Variants in P2RX5 observed in about 807,000 individuals in gnomAD.
P2RX5 encodes the protein P2X purinoceptor 5.
In P2RX5, 46 loss-of-function variants were observed where a neutral mutation model predicts 54.1. The observed-to-expected ratio is 0.85, with a 90% CI of 0.67 to 1.09. P2RX5 has a LOEUF of 1.09. Among genes scored for constraint, P2RX5 ranks in the 50% least tolerant of loss-of-function variants. The pLI, the probability that P2RX5 is intolerant of heterozygous loss-of-function variation, is 0.00. For synonymous variants in P2RX5, 226 were observed against 226.4 expected (o/e 1.00, Z 0.02); for missense variants, 566 against 549.8 (o/e 1.03, Z -0.29).
the P2RX5 span, among the ~76,000 whole-genome samples, chr17:3,722,830 CA>C: frequency 1.3e-5 from 2 of 152,154 alleles, no homozygotes; most frequent in South Asian, 4.1e-4. Context: ...GGGAATGGCA[CA>C]ATCTAATGTC....
upstream of P2RX5, among the ~76,000 whole-genome samples, chr17:3,698,646 G>T (rs2050795923): frequency 6.6e-6 from 1 of 152,256 alleles, no homozygotes; most frequent in Admixed American, 6.5e-5. Context: ...TGCCACTGTG[G>T]CTTTAGAGAA....
chr17:3,689,776 C>T (rs897413843), intron 6 of P2RX5, 146 bp from the exon 7 acceptor site: 157 of 1,027,404 alleles, frequency 1.5e-4, no homozygotes, highest in Non-Finnish European at 2.2e-4. Context: ...AGGGGCGCCC[C>T]AGCACCACCC....
chr17:3,699,795 A>G (rs2050802173), upstream of P2RX5, among the ~76,000 whole-genome samples: 1 of 148,508 alleles, frequency 6.7e-6, no homozygotes, highest in Non-Finnish European at 1.5e-5. Flanking sequence ...ACAGAGTGAT[A>G]CTCCATCTAA....
In P2RX5 at chr17:3,691,716, G is replaced by T. The variant is rs571897312; in HGVS notation, c.216C>A (p.Gly72=). 6.2e-7 allele frequency: 1 copy of T among 1,614,218 alleles called. No individual in the cohort carries two copies. Among genetic ancestry groups the T allele is most frequent in the Non-Finnish European group, 8.5e-7 (1 of 1,180,038 alleles). ...GATCCGAGGTGTTGGTGAAGGCCAC[G>T]CCCTTGACTTTGGTGATGACAGCAC... ...LQSAVITKVK[G]VAFTNTSDLG... Residue 72 remains glycine (G), a synonymous_variant, in exon 2 of 12, where the codon GGC becomes GGA. Transcript: ENST00000225328.
At chr17:3,681,225 G>A (rs1239324164) in intron 10 of P2RX5, among the ~76,000 whole-genome samples, 1 of 152,286 alleles carries the variant, frequency 6.6e-6, no homozygotes, top group Non-Finnish European at 1.5e-5. Flanking sequence ...GAATGACCCA[G>A]GCAGACCCTG....
chr17:3,679,964 CTCTCTCCACCCTGA>C (rs2050196179), intron 10 of P2RX5, among the ~76,000 whole-genome samples, 180 bp from the exon 11 acceptor site: 5 of 147,916 alleles, frequency 3.4e-5, no homozygotes, highest in African/African-American at 7.7e-5. Context: ...CTCCACCCTG[CTCTCTCCACCCTGA>C]GTCCTCCACC....
chr17:3,680,182 A>G (rs1217087764), intron 10 of P2RX5, among the ~76,000 whole-genome samples: 1 of 118,338 alleles, frequency 8.5e-6, no homozygotes, highest in Non-Finnish European at 1.8e-5. Flanking sequence ...TGCATCCTCC[A>G]CCCTGCGTCC....
intron 9 of P2RX5, among the ~76,000 whole-genome samples, chr17:3,684,959 C>T (rs754297794): frequency 8.6e-5 from 13 of 151,176 alleles, no homozygotes; most frequent in African/African-American, 1.2e-4. Context: ...GATTCTCCTG[C>T]CTCAGCCTCC....
At chr17:3,703,541 A>G in the P2RX5 span, among the ~76,000 whole-genome samples, 9 of 151,948 alleles carry the variant, frequency 5.9e-5, no homozygotes, top group Admixed American at 5.9e-4. Context: ...AAAGAAAAAG[A>G]AAACTCCTCA....
At chr17:3,721,518 T>C in the P2RX5 span, 1 of 152,038 alleles carries the variant, frequency 6.6e-6, no homozygotes, top group Non-Finnish European at 1.5e-5. Context: ...CCTCAAGCAA[T>C]CCTCCCGCCT....
chr17:3,689,382 T>C, intron 7 of P2RX5, 110 bp downstream of exon 7: 3 of 1,157,862 alleles, frequency 2.6e-6, no homozygotes, highest in South Asian at 1.3e-5. Flanking sequence ...CAGGTGACTT[T>C]GCAGGGCCAC....
At chr17:3,675,144 A>C (rs535112927) in intron 11 of P2RX5, among the ~76,000 whole-genome samples, 2 of 152,190 alleles carry the variant, frequency 1.3e-5, no homozygotes, top group African/African-American at 4.8e-5. Flanking sequence ...GGTTCAAGCA[A>C]TTCTCCTGCC....
rs558402250 is a variant in P2RX5 at position 3,677,124 on chromosome 17, G to A, written c.1259+2466C>T. ...ATGGAGGCAGAGAGCAGCTGAGGGT[G>A]CGGTAGGTGGGTGTGGCCGTGGCAT... On this transcript the variant is annotated intron_variant, in intron 11 of 11. Coordinates refer to ENST00000225328, the MANE Select transcript of P2RX5 (RefSeq NM_002561.4). 17 of 985,414 alleles carry A rather than the reference G, an allele frequency of 1.7e-5. No individual in the cohort carries two copies. The East Asian group carries it at 6.8e-4, about 39-fold the overall frequency. 61.0% of individuals were successfully genotyped at this position (985,414 alleles called of 1,614,324 possible).
At chr17:3,711,370 CTTTTTTTTT>C in the P2RX5 span, among the ~76,000 whole-genome samples, 34 of 63,102 alleles carry the variant, frequency 5.4e-4, no homozygotes, top group African/African-American at 1.4e-3. Flanking sequence ...AGCACTCATT[CTTTTTTTTT>C]TTTTTTTTTT....
intron 3 of P2RX5, 103 bp downstream of exon 3, chr17:3,690,853 G>A: frequency 8.3e-7 from 1 of 1,198,740 alleles, no homozygotes; most frequent in South Asian, 1.3e-5. Flanking sequence ...AGCCACCCGA[G>A]ACCCTTGGAG....
chr17:3,707,025 G>T, the P2RX5 span, among the ~76,000 whole-genome samples: 440 of 152,246 alleles, frequency 2.9e-3, no homozygotes, highest in Non-Finnish European at 4.7e-3. Context: ...TATTAGACCT[G>T]CTGCTTTAAG....
chr17:3,673,830 T>C lies in P2RX5; in HGVS notation c.*38A>G, dbSNP rs978790687. On this transcript the variant is annotated 3_prime_UTR_variant, in exon 12 of 12. Transcript: ENST00000225328. Reference sequence around the variant, plus strand: ...ATGGGATCACTGGGTGCTAGACGGCTGGGTTTAGGACAGGGCCTGAACGTA... The same window carrying C: ...ATGGGATCACTGGGTGCTAGACGGCCGGGTTTAGGACAGGGCCTGAACGTA... The C allele has an allele frequency of 6.2e-7, 1 of 1,612,608 alleles. No homozygotes were observed. The highest frequency in any genetic ancestry group is 1.3e-5 in the African/African-American group (1 of 74,886).
At chr17:3,706,688 C>T in the P2RX5 span, among the ~76,000 whole-genome samples, 51 of 151,944 alleles carry the variant, frequency 3.4e-4, no homozygotes, top group Middle Eastern at 3.4e-3. Context: ...CTCGGCTCAC[C>T]GCAATCTCTG....
At chr17:3,702,360 C>T in the P2RX5 span, among the ~76,000 whole-genome samples, 8 of 152,250 alleles carry the variant, frequency 5.3e-5, no homozygotes, top group East Asian at 1.9e-4. Flanking sequence ...GACCAATCAG[C>T]GCTCTGTAAA....
Sources: gnomAD v4.1 joint callset for allele counts (sites outside exome capture counted in the v4.1 genomes callset) on GRCh38, gnomAD v4.1.1 for gene constraint, MANE v1.5 for transcripts, NCBI Gene and HGNC (gene_info 2026-07-23, HGNC 2026-07-21) for gene names.